Variants in KCNC4 observed in about 807,000 individuals in gnomAD.
KCNC4 encodes the protein potassium voltage-gated channel subfamily C member 4.
Under a neutral mutation model 42.8 loss-of-function variants are expected in KCNC4, and 23 were observed. That is an observed-to-expected ratio of 0.54 (90% CI 0.39 to 0.76). The LOEUF (loss-of-function observed/expected upper bound fraction) is 0.76. KCNC4 is among the 30% of genes least tolerant of loss of function. The probability of loss-of-function intolerance (pLI) is 0.00; values close to 1 mark genes in which losing one functional copy is unlikely to be tolerated. For synonymous variants in KCNC4, 422 were observed against 393.5 expected, an observed-to-expected ratio of 1.07 and a Z score of -0.86; for missense variants, 751 against 898.2, an observed-to-expected ratio of 0.84 and a Z score of 2.10.
exon 4 of KCNC4, chr1:110,239,570 T>A (rs921501559): frequency 6.6e-6 from 1 of 152,170 alleles, no homozygotes; most frequent in African/African-American, 2.4e-5. Flanking sequence ...GCTCGGTAAA[T>A]ATTTTATGAA....
intron 2 of KCNC4, 32 bp from the exon 3 acceptor site, chr1:110,225,943 C>T (rs372839654): frequency 1.3e-6 from 2 of 1,548,388 alleles, no homozygotes; most frequent in South Asian, 2.5e-5. Flanking sequence ...GGTCGCCCCT[C>T]ATGCAGCCTC....
chr1:110,232,251 A>G (rs1349353484), intron 3 of KCNC4: 2 of 1,613,916 alleles, frequency 1.2e-6, no homozygotes, highest in African/African-American at 2.7e-5. Flanking sequence ...CTTCCCCTTC[A>G]GCATTCACCT....
downstream of KCNC4, among the ~76,000 whole-genome samples, chr1:110,253,799 G>A (rs142500091): frequency 2.3e-4 from 35 of 152,346 alleles, no homozygotes; most frequent in Middle Eastern, 3.4e-3. Context: ...AGAAGTCAGA[G>A]GGCAGGGGTG....
Position 110,229,896 on chromosome 1 carries a change from G to A in KCNC4, c.1820-3015G>A, listed in dbSNP as rs566759142. 7.2e-5 allele frequency among the ~76,000 whole-genome samples: 11 copies of A among 152,314 alleles called. No individual in the cohort carries two copies. In the East Asian group the frequency reaches 2.1e-3, roughly 29 times the overall value. On this transcript the variant is annotated intron_variant, in intron 3 of 3. Coordinates refer to ENST00000438661, the MANE Select transcript of KCNC4 (RefSeq NM_001039574.3). ...AGAGCCGTGCGCCTGGCAATTTTTAGAGTCAGATTATGCAATTTTGCGGAG... is the reference window on the plus strand; with the variant it reads ...AGAGCCGTGCGCCTGGCAATTTTTAAAGTCAGATTATGCAATTTTGCGGAG...
At chr1:110,267,537 G>A (rs1286159984) in intron 1 of KCNC4, among the ~76,000 whole-genome samples, 1 of 152,242 alleles carries the variant, frequency 6.6e-6, no homozygotes, top group Admixed American at 6.5e-5. Flanking sequence ...TCCGGCTCCT[G>A]CTTCCTTCCC....
intron 3 of KCNC4, among the ~76,000 whole-genome samples, chr1:110,227,031 T>A (rs1317777230): frequency 1.3e-5 from 2 of 152,146 alleles, no homozygotes; most frequent in African/African-American, 2.4e-5. Flanking sequence ...CACTTATTCG[T>A]CTCTCTTGCC....
chr1:110,238,062 T>C (rs1029330312), downstream of KCNC4: 1 of 152,268 alleles, frequency 6.6e-6, no homozygotes, highest in East Asian at 1.9e-4. Context: ...GGGACAAGGC[T>C]GTCTCCGACC....
chr1:110,270,292 C>T (rs569531877), intron 1 of KCNC4, among the ~76,000 whole-genome samples: 11 of 152,270 alleles, frequency 7.2e-5, no homozygotes, highest in Admixed American at 3.9e-4. Context: ...AAGCTGAGTG[C>T]AGAGAGGACC....
At chr1:110,267,549 G>A (rs1659561788) in intron 1 of KCNC4, among the ~76,000 whole-genome samples, 1 of 152,004 alleles carries the variant, frequency 6.6e-6, no homozygotes, top group South Asian at 2.1e-4. Flanking sequence ...TTCCTTCCCT[G>A]GCCAGCAAAA....
intron 1 of KCNC4, among the ~76,000 whole-genome samples, chr1:110,264,982 G>T (rs1212287080): frequency 6.6e-6 from 1 of 150,776 alleles, no homozygotes; most frequent in Non-Finnish European, 1.5e-5. Flanking sequence ...CTCGGAGGCT[G>T]GGGCGGGAGA....
intron 1 of KCNC4, among the ~76,000 whole-genome samples, chr1:110,266,251 T>C (rs1659539116): frequency 6.6e-6 from 1 of 152,128 alleles, no homozygotes; most frequent in African/African-American, 2.4e-5. Flanking sequence ...GGAGAGAGTC[T>C]CAGTTGACTG....
In KCNC4 at chr1:110,213,676, T is replaced by C. The variant is rs145758556; in HGVS notation, c.678+1499T>C. Reference sequence around the variant, plus strand: ...CTAGAGGCAACTGTCTGGGTTTCTTTCCTTGCAGCCCTGAGACTGGCTAAG... The same window carrying C: ...CTAGAGGCAACTGTCTGGGTTTCTTCCCTTGCAGCCCTGAGACTGGCTAAG... On this transcript the variant is annotated intron_variant, in intron 1 of 3. Coordinates refer to ENST00000438661, the MANE Select transcript of KCNC4 (RefSeq NM_001039574.3). Among the ~76,000 whole-genome samples the C allele has an allele frequency of 5.3e-5, 8 of 152,346 alleles. No homozygotes were observed. The East Asian group carries it at 1.5e-3, about 29-fold the overall frequency.
intron 1 of KCNC4, among the ~76,000 whole-genome samples, chr1:110,265,574 T>G (rs942175074): frequency 6.6e-6 from 1 of 152,076 alleles, no homozygotes; most frequent in African/African-American, 2.4e-5. Context: ...CTGGGCTGCT[T>G]GAGTTTCTTG....
intron 3 of KCNC4, chr1:110,232,420 G>A: frequency 6.0e-6 from 9 of 1,505,750 alleles, no homozygotes; most frequent in Non-Finnish European, 8.0e-6. Flanking sequence ...ACTTGGGGGA[G>A]AGCTCAAGTT....
intron 1 of KCNC4, among the ~76,000 whole-genome samples, chr1:110,269,116 G>A (rs1409467809): frequency 6.6e-6 from 1 of 152,066 alleles, no homozygotes; most frequent in Non-Finnish European, 1.5e-5. Flanking sequence ...TCTGTGACAG[G>A]GCCATCTTTT....
chr1:110,257,454 G>A (rs1020024534), intron 1 of KCNC4, among the ~76,000 whole-genome samples: 3 of 151,568 alleles, frequency 2.0e-5, no homozygotes, highest in East Asian at 1.9e-4. Context: ...GGTGGCTCAC[G>A]CCTGTAATCC....
At chr1:110,236,565 C>A (rs1658912352), downstream of KCNC4, 1 of 152,182 alleles carries the variant, frequency 6.6e-6, no homozygotes, top group Non-Finnish European at 1.5e-5. Context: ...CGTGTATGTA[C>A]CCCACCCCAC....
In KCNC4 at chr1:110,223,565, T is replaced by A; in HGVS notation, c.1280T>A (p.Phe427Tyr). ...HTDFKNIPIG[F>Y]WWAVVTMTTL... Reference sequence around the variant, plus strand: ...GACTTCAAGAACATCCCCATTGGCTTCTGGTGGGCTGTGGTCACCATGACG... The same window carrying A: ...GACTTCAAGAACATCCCCATTGGCTACTGGTGGGCTGTGGTCACCATGACG... The change falls in exon 2 of 4, where the codon TTC becomes TAC. Residue 427 changes from phenylalanine (F) to tyrosine (Y), a missense_variant. This residue lies in a region of KCNC4 where 185 missense variants were observed against 293.7 expected (regional missense o/e 0.63). Coordinates refer to ENST00000438661, the MANE Select transcript of KCNC4 (RefSeq NM_001039574.3). This position sits in a 1 kb window ranked among gnomAD's most constrained non-coding sequence, Gnocchi z 7.5. 6.2e-7 allele frequency: 1 copy of A among 1,613,998 alleles called. No individual in the cohort carries two copies. Among genetic ancestry groups the A allele is most frequent in the Non-Finnish European group, 8.5e-7 (1 of 1,180,020 alleles).
chr1:110,252,537 G>A (rs1659265574), downstream of KCNC4, among the ~76,000 whole-genome samples: 2 of 152,176 alleles, frequency 1.3e-5, no homozygotes, highest in Admixed American at 1.3e-4. Context: ...AGAGCACTCA[G>A]AAATGCTCTC....
Sources: allele counts gnomAD v4.1 joint callset (sites outside exome capture counted in the v4.1 genomes callset), GRCh38; gene constraint gnomAD v4.1.1; regional missense constraint gnomAD v4.1.1; non-coding constraint Gnocchi (gnomAD v3.1); transcripts MANE v1.5; gene names NCBI Gene and HGNC (gene_info 2026-07-23, HGNC 2026-07-21).